The following GABRA3 variants were observed in gnomAD, a reference collection of about 807,000 sequenced individuals.
GABRA3 encodes the protein gamma-aminobutyric acid type A receptor subunit alpha3, also known as gamma-aminobutyric acid receptor subunit alpha-3.
Under a neutral mutation model 30.1 loss-of-function variants are expected in GABRA3, and 10 were observed. The observed-to-expected ratio is 0.33, with a 90% CI of 0.20 to 0.56. The LOEUF (loss-of-function observed/expected upper bound fraction) is 0.56, where lower values mean the gene tolerates loss of function less well. Among genes scored for constraint, GABRA3 ranks in the 20% least tolerant of loss-of-function variants. The pLI is 0.89. For missense variants in GABRA3, 233 were observed against 392.0 expected, an observed-to-expected ratio of 0.59 and a Z score of 3.42; for synonymous variants, 151 against 146.8, an observed-to-expected ratio of 1.03 and a Z score of -0.21.
intron 1 of GABRA3, among the ~76,000 whole-genome samples, chrX:152,409,371 T>G (rs752988057): frequency 9.1e-6 from 1 of 110,145 alleles, no homozygotes; most frequent in South Asian, 3.9e-4. Context: ...ATCAATCAAA[T>G]CAAAATGGGT....
chrX:152,445,839 C>G (rs758791220), intron 1 of GABRA3, among the ~76,000 whole-genome samples: 3 of 111,849 alleles, frequency 2.7e-5, no homozygotes, highest in South Asian at 3.7e-4. Context: ...AACCGAGTAT[C>G]CAAGTCAGGA....
intron 1 of GABRA3, among the ~76,000 whole-genome samples, chrX:152,385,879 G>A (rs1321899544): frequency 6.1e-4 from 68 of 111,121 alleles, no homozygotes; most frequent in African/African-American, 2.2e-3. Flanking sequence ...TTTTTCTCAC[G>A]TTTGTCAAAG....
intron 1 of GABRA3, among the ~76,000 whole-genome samples, chrX:152,415,943 G>T (rs951884780): frequency 9.2e-6 from 1 of 108,920 alleles, no homozygotes; most frequent in African/African-American, 3.3e-5. Context: ...TGCAATCTAT[G>T]TACTGTAATA....
chrX:152,237,951 G>T (rs1407243280), intron 5 of GABRA3, among the ~76,000 whole-genome samples: 2 of 110,848 alleles, frequency 1.8e-5, no homozygotes, highest in African/African-American at 6.6e-5. Flanking sequence ...GGGACAATTT[G>T]ACTCCCTCTT....
chrX:152,188,057 A>G (rs1428246428), intron 9 of GABRA3, among the ~76,000 whole-genome samples: 1 of 111,491 alleles, frequency 9.0e-6, no homozygotes, highest in Non-Finnish European at 1.9e-5. Context: ...CTTATAGAAG[A>G]TAGCTACACA....
rs955062468 is a variant in GABRA3, at chrX:152,167,461, C to T, written c.*767G>A. ...AAAAGTTTACAGGTGGTAATGAGTC[C>T]AAATTAAGTAGTGCTCAGTTGGCTA... On this transcript the variant is annotated 3_prime_UTR_variant, in exon 10 of 10. Coordinates refer to ENST00000370314, the MANE Select transcript of GABRA3 (RefSeq NM_000808.4). 1 of 111,437 alleles carries T rather than the reference C, an allele frequency of 9.0e-6. No homozygotes were observed. Among genetic ancestry groups the T allele is most frequent in the Non-Finnish European group, 1.9e-5 (1 of 53,105 alleles). 9.2% of individuals were successfully genotyped at this position (111,437 alleles called of 1,213,427 possible).
intron 1 of GABRA3, among the ~76,000 whole-genome samples, chrX:152,373,891 C>A (rs1281293138): frequency 9.3e-6 from 1 of 107,676 alleles, no homozygotes; most frequent in Non-Finnish European, 1.9e-5. Flanking sequence ...GGTTTTCTGT[C>A]ATTGGGATAG....
intron 1 of GABRA3, among the ~76,000 whole-genome samples, chrX:152,375,496 T>C: frequency 8.9e-6 from 1 of 112,224 alleles, no homozygotes; most frequent in Non-Finnish European, 1.9e-5. Context: ...TTGAAATTAG[T>C]GTTCTAGTCT....
intron 3 of GABRA3, among the ~76,000 whole-genome samples, chrX:152,287,549 G>A (rs924674228): frequency 1.8e-5 from 2 of 111,071 alleles, no homozygotes; most frequent in Non-Finnish European, 1.9e-5. Flanking sequence ...GAGGTATCCC[G>A]AGCCATGCAA....
At chrX:152,220,851 ATGTGCATGTGCGTGTGTGTGCCTGTGT>A (rs1937820773) in intron 6 of GABRA3, among the ~76,000 whole-genome samples, 1 of 110,181 alleles carries the variant, frequency 9.1e-6, no homozygotes, top group Non-Finnish European at 1.9e-5. Flanking sequence ...GCCTGTGTGC[ATGTGCATGTGCGTGTGTGTGCCTGTGT>A]GTGTGTGTGT....
intron 3 of GABRA3, among the ~76,000 whole-genome samples, chrX:152,300,234 A>C (rs1313823387): frequency 8.9e-6 from 1 of 112,355 alleles, no homozygotes; most frequent in Non-Finnish European, 1.9e-5. Context: ...TTGAACTATG[A>C]ACTTAGATTA....
chrX:152,348,660 A>G (rs1940428363), intron 2 of GABRA3, among the ~76,000 whole-genome samples: 1 of 111,794 alleles, frequency 8.9e-6, no homozygotes, highest in Admixed American at 9.5e-5. Context: ...GGCCACTGCA[A>G]TAAAGCAAAT....
intron 3 of GABRA3, among the ~76,000 whole-genome samples, chrX:152,317,798 C>T (rs1351796603): frequency 1.8e-5 from 2 of 111,202 alleles, no homozygotes; most frequent in African/African-American, 6.5e-5. Context: ...CCTATCAAAA[C>T]CTCTGGGATA....
intron 3 of GABRA3, among the ~76,000 whole-genome samples, chrX:152,294,813 G>A (rs1939495300): frequency 9.0e-6 from 1 of 111,415 alleles, no homozygotes; most frequent in African/African-American, 3.3e-5. Flanking sequence ...ATGGGGTTTT[G>A]GTGTGGATGT....
At chrX:152,397,409 T>G (rs1929687878) in intron 1 of GABRA3, among the ~76,000 whole-genome samples, 1 of 112,276 alleles carries the variant, frequency 8.9e-6, no homozygotes, top group Admixed American at 9.4e-5. Flanking sequence ...CTTTTTCCTT[T>G]TTAGAATATC....
At chrX:152,176,065 A>AAAATAAATAAAT (rs61560461) in intron 9 of GABRA3, among the ~76,000 whole-genome samples, 1 of 93,934 alleles carries the variant, frequency 1.1e-5, no homozygotes, top group African/African-American at 3.8e-5. Context: ...TTCCATCTCA[A>AAAATAAATAAAT]AAATAAATAA....
intron 8 of GABRA3, 137 bp from the exon 9 acceptor site, chrX:152,190,078 A>T (rs1039208182): frequency 1.3e-4 from 59 of 458,036 alleles, no homozygotes; most frequent in African/African-American, 1.2e-3. Flanking sequence ...ATAAAATTTT[A>T]AAAAAACACT....
intron 1 of GABRA3, among the ~76,000 whole-genome samples, chrX:152,391,096 C>T (rs1929470160): frequency 9.0e-6 from 1 of 111,562 alleles, no homozygotes; most frequent in Non-Finnish European, 1.9e-5. Flanking sequence ...GAACATTTGA[C>T]CACAGGCACA....
intron 2 of GABRA3, among the ~76,000 whole-genome samples, chrX:152,349,204 T>C (rs950036293): frequency 9.1e-6 from 1 of 110,083 alleles, no homozygotes; most frequent in African/African-American, 3.3e-5. Context: ...GAAATCACTC[T>C]CATTGCTCGT....
Sources: allele counts gnomAD v4.1 joint callset (sites outside exome capture counted in the v4.1 genomes callset), GRCh38; gene constraint gnomAD v4.1.1; transcripts MANE v1.5; gene names NCBI Gene and HGNC (gene_info 2026-07-23, HGNC 2026-07-21).